PPP6R3: variants seen among roughly 807,000 people sequenced by gnomAD.
PPP6R3 encodes protein phosphatase 6 regulatory subunit 3.
Under a neutral mutation model 110.7 loss-of-function variants are expected in PPP6R3, and 38 were observed. The observed-to-expected ratio is 0.34, with a 90% CI of 0.26 to 0.45. The LOEUF is 0.45. Ranked by LOEUF, PPP6R3 falls within the 20% of genes least tolerant of loss-of-function variation. The pLI is 1.00. For synonymous variants in PPP6R3, 369 were observed against 373.5 expected (o/e 0.99, Z 0.14); for missense variants, 870 against 1,062.4 (o/e 0.82, Z 2.52).
chr11:68,476,363 T>TGA (rs1391762253), intron 1 of PPP6R3, among the ~76,000 whole-genome samples: 6 of 149,488 alleles, frequency 4.0e-5, no homozygotes, highest in Middle Eastern at 3.5e-3. Flanking sequence ...CTGGGCAGGC[T>TGA]GAGGCAGGAG....
chr11:68,599,556 C>T (rs939311850), intron 19 of PPP6R3, among the ~76,000 whole-genome samples: 11 of 152,236 alleles, frequency 7.2e-5, no homozygotes, highest in Non-Finnish European at 1.0e-4. Flanking sequence ...CAGTCAGACC[C>T]GGACTGGGAA....
chr11:68,546,051 G>T (rs2099347843), intron 4 of PPP6R3, among the ~76,000 whole-genome samples: 1 of 152,206 alleles, frequency 6.6e-6, no homozygotes, highest in Non-Finnish European at 1.5e-5. Context: ...TGGGCCCAGT[G>T]TGTCCTGTCC....
intron 22 of PPP6R3, 71 bp from the exon 23 acceptor site, chr11:68,609,833 G>A: frequency 6.2e-7 from 1 of 1,604,248 alleles, no homozygotes; most frequent in Non-Finnish European, 8.5e-7. Flanking sequence ...ATCTGCATGT[G>A]ACCTCATCCT....
At chr11:68,506,806 A>T (rs947480498) in intron 1 of PPP6R3, among the ~76,000 whole-genome samples, 2 of 152,098 alleles carry the variant, frequency 1.3e-5, no homozygotes, top group Non-Finnish European at 2.9e-5. Flanking sequence ...TCCATATAAG[A>T]AGTTTTGGTC....
intron 1 of PPP6R3, among the ~76,000 whole-genome samples, chr11:68,491,517 A>T (rs1051315540): frequency 1.3e-5 from 2 of 151,790 alleles, no homozygotes; most frequent in African/African-American, 4.8e-5. Flanking sequence ...CTATTTTTTT[A>T]AAAATTTATT....
chr11:68,478,887 A>G (rs1473288699), intron 1 of PPP6R3, among the ~76,000 whole-genome samples: 1 of 151,870 alleles, frequency 6.6e-6, no homozygotes, highest in East Asian at 1.9e-4. Context: ...CCATCTCCTG[A>G]CATCGTGATC....
At chr11:68,598,449 C>G (rs149394645) in intron 19 of PPP6R3, among the ~76,000 whole-genome samples, 3 of 152,140 alleles carry the variant, frequency 2.0e-5, no homozygotes, top group Non-Finnish European at 4.4e-5. Flanking sequence ...GTTTACCTAC[C>G]TCCCGGGGTT....
intron 1 of PPP6R3, among the ~76,000 whole-genome samples, chr11:68,511,281 G>A (rs1300342069): frequency 5.3e-5 from 8 of 151,864 alleles, no homozygotes; most frequent in Admixed American, 5.2e-4. Flanking sequence ...TGGTAAGGCT[G>A]GTCTCAAACT....
At chr11:68,573,076 A>G (rs1236806160) in intron 12 of PPP6R3, among the ~76,000 whole-genome samples, 3 of 141,292 alleles carry the variant, frequency 2.1e-5, no homozygotes, top group African/African-American at 7.9e-5. Context: ...CACTTTGTAA[A>G]TAGGTAGAGA....
chr11:68,566,479 T>C (rs886904091), intron 9 of PPP6R3, among the ~76,000 whole-genome samples: 2 of 151,978 alleles, frequency 1.3e-5, no homozygotes, highest in Non-Finnish European at 2.9e-5. Flanking sequence ...TCCCACCTCA[T>C]CTTCCTGAGT....
intron 1 of PPP6R3, among the ~76,000 whole-genome samples, chr11:68,482,339 G>A (rs571089449): frequency 2.2e-3 from 339 of 151,572 alleles, no homozygotes; most frequent in Admixed American, 3.4e-3. Flanking sequence ...GCTTGAACCC[G>A]GGAGGCAGAG....
At chr11:68,581,757 T>TA (rs2099555527) in intron 14 of PPP6R3, among the ~76,000 whole-genome samples, 1 of 152,214 alleles carries the variant, frequency 6.6e-6, no homozygotes, top group South Asian at 2.1e-4. Flanking sequence ...CTAAAGCCAC[T>TA]CTTGACTCAA....
At chr11:68,517,739 A>G (rs1198806313) in intron 1 of PPP6R3, among the ~76,000 whole-genome samples, 1 of 152,108 alleles carries the variant, frequency 6.6e-6, no homozygotes, top group Non-Finnish European at 1.5e-5. Flanking sequence ...GGAGTTTGAG[A>G]CCAGCCTGGC....
chr11:68,595,199 A>ATTT (rs2099609852), intron 18 of PPP6R3, among the ~76,000 whole-genome samples: 1 of 116,142 alleles, frequency 8.6e-6, no homozygotes, highest in African/African-American at 3.5e-5. Context: ...ACATAAAAAT[A>ATTT]ATTTTTTTTT....
chr11:68,536,624 C>T (rs528214343), intron 2 of PPP6R3, among the ~76,000 whole-genome samples: 3 of 152,268 alleles, frequency 2.0e-5, no homozygotes, highest in African/African-American at 7.2e-5. Context: ...TTTGCAGCCT[C>T]CTTCCTTTTA....
At chr11:68,532,462 C>A (rs1428455576) in intron 2 of PPP6R3, among the ~76,000 whole-genome samples, 1 of 152,212 alleles carries the variant, frequency 6.6e-6, no homozygotes, top group Non-Finnish European at 1.5e-5. Flanking sequence ...TTACAAAAAA[C>A]TCTAGGATTT....
At chr11:68,500,481 CTTT>C (rs1041749291) in intron 1 of PPP6R3, among the ~76,000 whole-genome samples, 20 of 152,200 alleles carry the variant, frequency 1.3e-4, no homozygotes, top group Admixed American at 3.9e-4. Context: ...CACTTTAAAA[CTTT>C]TTTATTTTTT....
At chr11:68,605,225 A>G (rs1938913582) in intron 22 of PPP6R3, among the ~76,000 whole-genome samples, 1 of 152,168 alleles carries the variant, frequency 6.6e-6, no homozygotes, top group African/African-American at 2.4e-5. Context: ...CTGTGGTCCC[A>G]GCTACTTGGG....
intron 1 of PPP6R3, among the ~76,000 whole-genome samples, chr11:68,518,986 G>T (rs1281189279): frequency 9.9e-5 from 15 of 152,148 alleles, no homozygotes; most frequent in Admixed American, 9.8e-4. Context: ...TTCTTTTCAT[G>T]TGCAGTGTTT....
Sources: allele counts gnomAD v4.1 joint callset (sites outside exome capture counted in the v4.1 genomes callset), GRCh38; gene constraint gnomAD v4.1.1; transcripts MANE v1.5; gene names NCBI Gene and HGNC (gene_info 2026-07-23, HGNC 2026-07-21).